Variants in LUC7L2 observed in about 807,000 individuals in gnomAD.
The protein encoded by LUC7L2 is LUC7 like 2, pre-mRNA splicing factor.
Under a neutral mutation model 52.8 loss-of-function variants are expected in LUC7L2, and 25 were observed. The ratio of observed to expected loss-of-function variants is 0.47; its 90% CI spans 0.34 to 0.66. The LOEUF (loss-of-function observed/expected upper bound fraction) is 0.66. LUC7L2 is among the 30% of genes least tolerant of loss of function. The probability of loss-of-function intolerance (pLI) is 0.01; values close to 1 mark genes in which losing one functional copy is unlikely to be tolerated. For missense variants in LUC7L2, 328 were observed against 497.8 expected, an observed-to-expected ratio of 0.66 and a Z score of 3.25; for synonymous variants, 144 against 160.9, an observed-to-expected ratio of 0.89 and a Z score of 0.80.
At chr7:139,349,174 A>G (rs1799369359) in intron 1 of LUC7L2, among the ~76,000 whole-genome samples, 1 of 152,238 alleles carries the variant, frequency 6.6e-6, no homozygotes, top group Non-Finnish European at 1.5e-5. Flanking sequence ...CAACAAGCAA[A>G]CAAAAAAATC....
intron 1 of LUC7L2, chr7:139,375,677 C>G (rs1375294631): frequency 1.1e-6 from 1 of 928,090 alleles, no homozygotes; most frequent in Non-Finnish European, 1.3e-6. Context: ...ACATTGTATA[C>G]CAGTATAAAC....
intron 1 of LUC7L2, chr7:139,371,392 A>G (rs1263266187): frequency 9.3e-7 from 1 of 1,070,538 alleles, no homozygotes; most frequent in Non-Finnish European, 1.4e-6. Context: ...CTTAGCCTTC[A>G]CAGTTGTTGA....
chr7:139,359,939 G>A lies in LUC7L2; in HGVS notation c.-323G>A, dbSNP rs558004799. ...GGCGGCGAGCGGCGTCAGAGCTTGA[G>A]GGGGGGTTGACGGCTTCTGGCGGGT... is the stretch of plus-strand genomic sequence containing the variant. On this transcript the variant is annotated 5_prime_UTR_variant, in exon 1 of 10. Transcript: ENST00000354926. 9.5e-6 allele frequency: 4 copies of A among 420,692 alleles called. No individual in the cohort carries two copies. Among genetic ancestry groups the A allele is most frequent in the Non-Finnish European group, 8.4e-6 (2 of 237,692 alleles). The allele number at this position is 420,692 out of a possible 1,614,324, so 26.1% of individuals were successfully genotyped here.
At chr7:139,409,785 T>A in intron 7 of LUC7L2, 131 bp downstream of exon 7, 1 of 1,302,746 alleles carries the variant, frequency 7.7e-7, no homozygotes, top group East Asian at 2.7e-5. Context: ...CTTTAAAAAA[T>A]ATTACTGTGC....
chr7:139,341,089 C>T (rs1002782368), intron 1 of LUC7L2: 2 of 305,482 alleles, frequency 6.5e-6, no homozygotes, highest in East Asian at 6.3e-5. Context: ...GGTCGGCTAA[C>T]GGGCATCTTC....
chr7:139,371,387 C>T (rs1800440583), intron 1 of LUC7L2: 5 of 1,015,048 alleles, frequency 4.9e-6, no homozygotes, highest in Non-Finnish European at 7.6e-6. Flanking sequence ...TTTTGCTTAG[C>T]CTTCACAGTT....
intron 1 of LUC7L2, among the ~76,000 whole-genome samples, chr7:139,366,354 C>T (rs957622606): frequency 6.6e-6 from 1 of 152,164 alleles, no homozygotes; most frequent in Non-Finnish European, 1.5e-5. Context: ...TAGATTTCTG[C>T]AGACCCCAGT....
At chr7:139,404,482 C>G (rs1032799509) in intron 4 of LUC7L2, among the ~76,000 whole-genome samples, 1 of 152,194 alleles carries the variant, frequency 6.6e-6, no homozygotes, top group Non-Finnish European at 1.5e-5. Context: ...GCACTCCAGC[C>G]TGGGCGACAG....
chr7:139,350,896 C>G (rs566590453), intron 1 of LUC7L2, among the ~76,000 whole-genome samples: 2 of 151,902 alleles, frequency 1.3e-5, no homozygotes, highest in Non-Finnish European at 2.9e-5. Context: ...GGCTGGTCTC[C>G]GACTACTGAC....
chr7:139,358,306 C>T (rs1585069012), upstream of LUC7L2, among the ~76,000 whole-genome samples: 6 of 152,226 alleles, frequency 3.9e-5, no homozygotes, highest in East Asian at 1.2e-3. Flanking sequence ...TCCCTCCCAG[C>T]CGCAATATAC....
rs747663769 is a variant in LUC7L2 at position 139,422,166 on chromosome 7, C to T, written c.1005C>T (p.Ser335=). ...DRSRERSKRR[S]SKERFRDQDL... ...TCCTCAAATTAATATTTTTCAGATC[C>T]TCAAAAGAAAGATTCAGAGACCAAG... Residue 335 remains serine (S), a synonymous_variant, in exon 10 of 10, where the codon TCC becomes TCT. Coordinates refer to ENST00000354926, the MANE Select transcript of LUC7L2 (RefSeq NM_016019.5). 1.9e-6 allele frequency: 3 copies of T among 1,588,760 alleles called. No homozygotes were observed. In the Admixed American group the frequency reaches 5.8e-5, roughly 31 times the overall value.
rs1339031566 is a variant in LUC7L2, at chr7:139,422,473, A to G, written c.*133A>G. On this transcript the variant is annotated 3_prime_UTR_variant, in exon 10 of 10. Transcript: ENST00000354926. ...AGCTAGGCTAGATGTACAGTATCTA[A>G]CTTGATCTGAACTGAACCTGTTTTC... The G allele has an allele frequency of 7.1e-7, 1 of 1,416,094 alleles. No individual in the cohort carries two copies. The highest frequency in any genetic ancestry group is 1.4e-5 in the African/African-American group (1 of 69,852). The allele number at this position is 1,416,094 out of a possible 1,614,324, so 87.7% of individuals were successfully genotyped here.
chr7:139,366,094 G>T (rs1800140123), intron 1 of LUC7L2, among the ~76,000 whole-genome samples: 1 of 152,194 alleles, frequency 6.6e-6, no homozygotes, highest in Non-Finnish European at 1.5e-5. Context: ...AGTCAAAGCC[G>T]TCAGAAAGTA....
In LUC7L2 at chr7:139,405,727, G is replaced by A; in HGVS notation, c.450G>A (p.Glu150=). ...AACTAGGAGCTGAAGGGAATGTGGA[G>A]GAATCCCAGAAAGTAATGGATGAAG... ...VEQLGAEGNV[E]ESQKVMDEVE... The change falls in exon 5 of 10, where the codon GAG becomes GAA. Residue 150 remains glutamate, a synonymous_variant. Coordinates refer to ENST00000354926, the MANE Select transcript of LUC7L2 (RefSeq NM_016019.5). 2 of 1,612,990 alleles carry A rather than the reference G, an allele frequency of 1.2e-6. No individual in the cohort carries two copies. The highest frequency in any genetic ancestry group is 1.7e-6 in the Non-Finnish European group (2 of 1,179,640).
At chr7:139,341,044 C>T (rs1798924156) in intron 1 of LUC7L2, 1 of 230,118 alleles carries the variant, frequency 4.3e-6, no homozygotes. Context: ...ACCCACACCC[C>T]CCGCCGGGCC....
chr7:139,419,116 CAAA>C (rs1202438717), intron 9 of LUC7L2, among the ~76,000 whole-genome samples: 3 of 105,562 alleles, frequency 2.8e-5, no homozygotes, highest in Admixed American at 8.9e-5. Context: ...GCTCTCAAAA[CAAA>C]AAAAAACAAA....
chr7:139,367,312 T>C (rs557328138), intron 1 of LUC7L2, among the ~76,000 whole-genome samples: 1 of 152,144 alleles, frequency 6.6e-6, no homozygotes, highest in South Asian at 2.1e-4. Context: ...TTATTTAATA[T>C]TTTCCTTTAT....
chr7:139,375,051 G>A (rs1800637024), intron 1 of LUC7L2: 1 of 983,388 alleles, frequency 1.0e-6, no homozygotes, highest in African/African-American at 1.8e-5. Flanking sequence ...TCAGTTTAAG[G>A]CTAAAATAAA....
intron 1 of LUC7L2, among the ~76,000 whole-genome samples, chr7:139,342,256 C>G (rs577493460): frequency 1.3e-3 from 199 of 152,196 alleles, no homozygotes; most frequent in African/African-American, 4.5e-3. Flanking sequence ...TAAATAAGTG[C>G]TCAAGGTGTA....
Sources: allele counts gnomAD v4.1 joint callset (sites outside exome capture counted in the v4.1 genomes callset), GRCh38; gene constraint gnomAD v4.1.1; transcripts MANE v1.5; gene names NCBI Gene and HGNC (gene_info 2026-07-23, HGNC 2026-07-21).